The following BRWD1 variants were observed in gnomAD, a reference collection of about 807,000 sequenced individuals.
BRWD1 encodes bromodomain and WD repeat-containing protein 1.
Under a neutral mutation model 251.2 loss-of-function variants are expected in BRWD1, and 82 were observed. The observed-to-expected ratio is 0.33, with a 90% CI of 0.27 to 0.39. The LOEUF is 0.39. Among genes scored for constraint, BRWD1 ranks in the 10% least tolerant of loss-of-function variants. BRWD1 has a pLI of 1.00. For synonymous variants in BRWD1, 918 were observed against 902.8 expected (o/e 1.02, Z -0.30); for missense variants, 2,233 against 2,711.6 (o/e 0.82, Z 3.92).
Position 39,192,760 on chromosome 21 carries a change from A to G in BRWD1, c.*3499T>C. The stretch of plus-strand genomic sequence containing the variant: ...ATACAATGGAGTGGAAAGGAAAACA[A>G]AAAAGATCGTAAGCACCTTTAACAA... On this transcript the variant is annotated 3_prime_UTR_variant, in exon 41 of 41. Coordinates refer to ENST00000342449, the MANE Select transcript of BRWD1 (RefSeq NM_033656.4). 1.0e-6 allele frequency: 1 copy of G among 985,168 alleles called. No homozygotes were observed. Among genetic ancestry groups the G allele is most frequent in the South Asian group, 4.7e-5 (1 of 21,284 alleles). 61.0% of individuals were successfully genotyped at this position (985,168 alleles called of 1,614,324 possible). A position where few individuals can be genotyped will look rare whatever the true frequency, so the allele number is the denominator to read the frequency against.
At chr21:39,313,358 A>AGGGGAGCCG (rs1288518492) in intron 1 of BRWD1, 59 bp from the exon 2 acceptor site, 191 of 1,462,832 alleles carry the variant, frequency 1.3e-4, no homozygotes, top group Middle Eastern at 2.4e-4. Flanking sequence ...GGACGGGGCC[A>AGGGGAGCCG]GGGGAGCCGG....
chr21:39,307,046 G>A (rs1196992976), intron 4 of BRWD1, among the ~76,000 whole-genome samples: 3 of 152,044 alleles, frequency 2.0e-5, no homozygotes, highest in Non-Finnish European at 4.4e-5. Flanking sequence ...TAGAGACGGG[G>A]TTTCACCCTG....
chr21:39,269,570 T>C (rs2035037406), intron 15 of BRWD1, among the ~76,000 whole-genome samples: 1 of 152,334 alleles, frequency 6.6e-6, no homozygotes, highest in South Asian at 2.1e-4. Context: ...ATTTATCAAA[T>C]ATTTCAATTT....
chr21:39,303,007 C>A (rs889161709), intron 4 of BRWD1, among the ~76,000 whole-genome samples: 1 of 151,510 alleles, frequency 6.6e-6, no homozygotes, highest in Non-Finnish European at 1.5e-5. Context: ...TGCAGTGAGC[C>A]GAGATCACAC....
At position 39,270,027 on chromosome 21, in the gene BRWD1, C is replaced by T. The variant is rs763106657; in HGVS notation, c.1402G>A (p.Ala468Thr). 3 of 1,563,360 alleles carry T rather than the reference C, an allele frequency of 1.9e-6. No individual in the cohort carries two copies. Among genetic ancestry groups the T allele is most frequent in the Admixed American group, 1.9e-5 (1 of 52,120 alleles). The change falls in exon 15 of 41, where the codon GCT (alanine) becomes ACT (threonine). Residue 468 changes from alanine to threonine, a missense_variant. Physicochemically the swap from Ala to Thr is moderately conservative, Grantham distance 58. Around this residue, in one of 12 missense-constraint regions of BRWD1, gnomAD observed 315 missense variants for 421.8 expected, o/e 0.75. Transcript: ENST00000342449. The part of the protein sequence containing the change: ...GQLLHNLMGH[A>T]DEVFVLETHP... ...GTCTCCAGAACAAATACTTCATCAG[C>T]ATGTCCCTTTATTTAACAAAGTCAT...
In BRWD1 at chr21:39,196,364, T is replaced by G; in HGVS notation, c.6705A>C (p.Ser2235=). 6.2e-7 allele frequency: 1 copy of G among 1,613,754 alleles called. No homozygotes were observed. The highest frequency in any genetic ancestry group is 1.1e-5 in the South Asian group (1 of 91,058). The change falls in exon 41 of 41, where the codon TCA becomes TCC. Residue 2235 remains serine, a synonymous_variant. Coordinates refer to ENST00000342449, the MANE Select transcript of BRWD1 (RefSeq NM_033656.4). The part of the protein sequence containing the change: ...YAKSKRVLRR[S]KIKTRNQGRR... ...TACCCTGATTTCTCGTTTTTATTTT[T>G]GAACGTCGAAGAACTCTTTTAGATT...
intron 32 of BRWD1, among the ~76,000 whole-genome samples, chr21:39,214,159 T>C (rs1165529887): frequency 6.6e-6 from 1 of 152,006 alleles, no homozygotes; most frequent in African/African-American, 2.4e-5. Flanking sequence ...CAAGAATCAG[T>C]TACTCCCCAG....
At position 39,293,860 on chromosome 21, in the gene BRWD1, G is replaced by T; in HGVS notation, c.782C>A (p.Ala261Asp). ...IIRVWCLRTCAPVAVLQGHTG... is the reference protein window; with the variant it reads ...IIRVWCLRTCDPVAVLQGHTG... The stretch of plus-strand genomic sequence containing the variant: ...GTGTCCTTGGAGCACAGCAACTGGG[G>T]CACAAGTTCTCAAGCACCACACTCT... The change falls in exon 8 of 41, where the codon GCC (alanine) becomes GAC (aspartate). Residue 261 changes from alanine (A) to aspartate (D), a missense_variant. Ala to Asp is a moderately radical substitution (Grantham distance 126). Coordinates refer to ENST00000342449, the MANE Select transcript of BRWD1 (RefSeq NM_033656.4). The T allele has an allele frequency of 6.2e-7, 1 of 1,614,156 alleles. No individual in the cohort carries two copies. Among genetic ancestry groups the T allele is most frequent in the Non-Finnish European group, 8.5e-7 (1 of 1,180,032 alleles).
Position 39,194,464 on chromosome 21 carries a change from T to G in BRWD1, c.*1795A>C. On this transcript the variant is annotated 3_prime_UTR_variant, in exon 41 of 41. Transcript: ENST00000342449. ...GGACAATTATCATGAATCAATCTGT[T>G]TACTATCTACTTAACACAAGTTCTG... 2 of 1,377,882 alleles carry G rather than the reference T, an allele frequency of 1.5e-6. No homozygotes were observed. Among genetic ancestry groups the G allele is most frequent in the East Asian group, 2.7e-5 (1 of 36,666 alleles). The allele number at this position is 1,377,882 out of a possible 1,614,324, so 85.4% of individuals were successfully genotyped here.
At chr21:39,258,035 G>A (rs910815179) in intron 18 of BRWD1, among the ~76,000 whole-genome samples, 3 of 152,130 alleles carry the variant, frequency 2.0e-5, no homozygotes, top group Non-Finnish European at 4.4e-5. Flanking sequence ...TAACTGAGGG[G>A]AGACTGGTGA....
chr21:39,212,099 G>T (rs559506391), intron 34 of BRWD1, among the ~76,000 whole-genome samples: 4 of 152,064 alleles, frequency 2.6e-5, no homozygotes, highest in African/African-American at 9.6e-5. Flanking sequence ...CCCTAAAAAG[G>T]TGTCATAATT....
At chr21:39,275,206 A>C (rs201307607) in intron 12 of BRWD1, among the ~76,000 whole-genome samples, 6 of 152,244 alleles carry the variant, frequency 3.9e-5, no homozygotes, top group Admixed American at 1.3e-4. Context: ...ATCTATTAAC[A>C]AATTAAGTTC....
rs532578495 is a variant in BRWD1, at chr21:39,264,333, AAAT to A, written c.1885+124_1885+126del. ...TGGTTCAAAACAATACACAGAAAAA[AAAT>A]AATAAAACAAATATTGCAAAATATT... is the stretch of plus-strand genomic sequence containing the variant. On this transcript the variant is annotated intron_variant, in intron 17 of 40. Transcript: ENST00000342449. 947 of 658,030 alleles carry A rather than the reference AAAT, an allele frequency of 1.4e-3. 12 individuals are homozygous for A. In the African/African-American group the frequency reaches 0.017, roughly 12 times the overall value. The allele number at this position is 658,030 out of a possible 1,614,324, so 40.8% of individuals were successfully genotyped here. A position where few individuals can be genotyped will look rare whatever the true frequency, so the allele number is the denominator to read the frequency against.
intron 15 of BRWD1, among the ~76,000 whole-genome samples, chr21:39,265,618 A>G (rs2034894506): frequency 6.6e-6 from 1 of 152,256 alleles, no homozygotes; most frequent in African/African-American, 2.4e-5. Context: ...TTTACTTCTT[A>G]TAAACAATTT....
intron 21 of BRWD1, among the ~76,000 whole-genome samples, chr21:39,240,450 C>T (rs2033949261): frequency 1.3e-5 from 2 of 152,202 alleles, no homozygotes; most frequent in Non-Finnish European, 2.9e-5. Flanking sequence ...GCTATGATTG[C>T]ACCACTGCAC....
At position 39,191,266 on chromosome 21, in the gene BRWD1, T is replaced by G; in HGVS notation, c.*4993A>C. 1.0e-6 allele frequency: 1 copy of G among 985,282 alleles called. No homozygotes were observed. Among genetic ancestry groups the G allele is most frequent in the Non-Finnish European group, 1.2e-6 (1 of 829,898 alleles). 61.0% of individuals were successfully genotyped at this position (985,282 alleles called of 1,614,324 possible). A position where few individuals can be genotyped will look rare whatever the true frequency, so the allele number is the denominator to read the frequency against. On this transcript the variant is annotated 3_prime_UTR_variant, in exon 41 of 41. Coordinates refer to ENST00000342449, the MANE Select transcript of BRWD1 (RefSeq NM_033656.4). ...TTCAGTTCCCCTATCCAAGCTCATA[T>G]GTAAAACTCACAGCGCTCGCACCCC...
intron 17 of BRWD1, among the ~76,000 whole-genome samples, chr21:39,258,895 A>G (rs1014268790): frequency 3.3e-5 from 5 of 152,192 alleles, no homozygotes; most frequent in African/African-American, 1.2e-4. Flanking sequence ...AAAACCTGAA[A>G]GCAGCCTCTG....
At chr21:39,310,196 A>G (rs1018995776) in intron 4 of BRWD1, among the ~76,000 whole-genome samples, 2 of 152,218 alleles carry the variant, frequency 1.3e-5, no homozygotes, top group Non-Finnish European at 2.9e-5. Context: ...ACCAAAGTAA[A>G]TATAGCAAGT....
At chr21:39,304,488 C>T (rs2036222151) in intron 4 of BRWD1, among the ~76,000 whole-genome samples, 1 of 151,762 alleles carries the variant, frequency 6.6e-6, no homozygotes, top group Non-Finnish European at 1.5e-5. Flanking sequence ...ATGGCATACA[C>T]GTATAGACTC....
Sources: allele counts gnomAD v4.1 joint callset (sites outside exome capture counted in the v4.1 genomes callset), GRCh38; gene constraint gnomAD v4.1.1; regional missense constraint gnomAD v4.1.1; transcripts MANE v1.5; gene names NCBI Gene and HGNC (gene_info 2026-07-23, HGNC 2026-07-21).